Variants in DCC observed in about 807,000 individuals in gnomAD.
DCC encodes the protein netrin receptor DCC.
In DCC, 58 loss-of-function variants were observed where a neutral mutation model predicts 172.5. The ratio of observed to expected loss-of-function variants is 0.34; its 90% CI spans 0.27 to 0.42. The LOEUF is 0.42. DCC is among the 10% of genes least tolerant of loss of function. The pLI is 1.00. For synonymous variants in DCC, 709 were observed against 644.5 expected, an observed-to-expected ratio of 1.10 and a Z score of -1.52; for missense variants, 1,740 against 1,791.0, an observed-to-expected ratio of 0.97 and a Z score of 0.51.
At chr18:53,042,360 T>C (rs2042180277) in intron 5 of DCC, among the ~76,000 whole-genome samples, 1 of 152,060 alleles carries the variant, frequency 6.6e-6, no homozygotes, top group Non-Finnish European at 1.5e-5. Flanking sequence ...GAATTCAACT[T>C]GATCATGGTG....
At chr18:52,649,963 T>C (rs893995540) in intron 1 of DCC, among the ~76,000 whole-genome samples, 4 of 146,404 alleles carry the variant, frequency 2.7e-5, no homozygotes, top group Admixed American at 7.2e-5. Context: ...CTGAATCAGA[T>C]GATAGTTCTA....
At chr18:52,699,072 TG>T (rs958369678) in intron 1 of DCC, among the ~76,000 whole-genome samples, 3 of 152,196 alleles carry the variant, frequency 2.0e-5, no homozygotes, top group African/African-American at 7.2e-5. Context: ...TGAACATGTG[TG>T]CTCTTTCCCA....
intron 12 of DCC, among the ~76,000 whole-genome samples, chr18:53,267,407 G>A (rs984690119): frequency 2.0e-5 from 3 of 151,906 alleles, no homozygotes; most frequent in Admixed American, 6.6e-5. Flanking sequence ...GCCTGGTCTC[G>A]AACTCCTGAC....
At chr18:53,179,998 C>T (rs917235928) in intron 9 of DCC, among the ~76,000 whole-genome samples, 1 of 152,060 alleles carries the variant, frequency 6.6e-6, no homozygotes, top group East Asian at 1.9e-4. Context: ...ATTTTGATTT[C>T]CTGTTCATTT....
At chr18:52,868,053 A>ATATGTGTGTGTG (rs61579666) in intron 2 of DCC, among the ~76,000 whole-genome samples, 3 of 144,356 alleles carry the variant, frequency 2.1e-5, no homozygotes, top group African/African-American at 7.8e-5. Flanking sequence ...ATATATATAT[A>ATATGTGTGTGTG]TGTGTGTGTG....
rs555801718 is a variant in DCC, at chr18:53,046,520, A to G, written c.986-16785A>G. 5.3e-5 allele frequency among the ~76,000 whole-genome samples: 8 copies of G among 151,816 alleles called. No homozygotes were observed. The East Asian group carries it at 9.7e-4, about 18-fold the overall frequency. On this transcript the variant is annotated intron_variant, in intron 5 of 28. Coordinates refer to ENST00000442544, the MANE Select transcript of DCC (RefSeq NM_005215.4). ...CAGATAATTTACTTTTTTTAGCAGC[A>G]GAAAATGTTCTGATAGAACTTTATA...
At chr18:52,932,509 A>C (rs9967572) in intron 5 of DCC, among the ~76,000 whole-genome samples, 59,683 of 152,000 alleles carry the variant, frequency 0.39, 12,332 homozygotes, top group Non-Finnish European at 0.47. Context: ...TTTACTGAGG[A>C]TGGTCTCTTC....
At chr18:52,585,385 C>G (rs960780305) in intron 1 of DCC, among the ~76,000 whole-genome samples, 2 of 152,150 alleles carry the variant, frequency 1.3e-5, no homozygotes, top group African/African-American at 4.8e-5. Flanking sequence ...AAAGAGAACT[C>G]ACATACATAA....
intron 12 of DCC, among the ~76,000 whole-genome samples, chr18:53,226,218 A>G (rs758788737): frequency 6.6e-6 from 1 of 152,178 alleles, no homozygotes; most frequent in Non-Finnish European, 1.5e-5. Flanking sequence ...TACAAAAATA[A>G]GCCTTGCATT....
At chr18:53,355,910 T>C (rs1418056283) in intron 15 of DCC, among the ~76,000 whole-genome samples, 2 of 152,200 alleles carry the variant, frequency 1.3e-5, no homozygotes, top group Non-Finnish European at 2.9e-5. Context: ...GTTTTCATTA[T>C]GCTTCTTCTG....
intron 1 of DCC, among the ~76,000 whole-genome samples, chr18:52,550,219 T>C (rs1568224742): frequency 6.6e-6 from 1 of 151,882 alleles, no homozygotes; most frequent in East Asian, 1.9e-4. Context: ...ACAAAACACC[T>C]GACCAGTCCT....
intron 5 of DCC, among the ~76,000 whole-genome samples, chr18:53,007,454 A>G (rs2041663153): frequency 6.6e-6 from 1 of 152,126 alleles, no homozygotes; most frequent in African/African-American, 2.4e-5. Flanking sequence ...ATTGTCTGGA[A>G]CTAAATAAGA....
rs199927780 is a variant in DCC, at chr18:52,963,828, GT to G, written c.985+38472del. ...TGAAAGCTATTTCTGATTATCTCTA[GT>G]TTTTTTTTTTTTTATCCAAACTCTC... On this transcript the variant is annotated intron_variant, in intron 5 of 28. Coordinates refer to ENST00000442544, the MANE Select transcript of DCC (RefSeq NM_005215.4). Among the ~76,000 whole-genome samples, 582 of 145,644 alleles carry G rather than the reference GT, an allele frequency of 4.0e-3. 2 individuals carry two copies. The highest frequency in any genetic ancestry group is 7.1e-3 in the Middle Eastern group (2 of 282).
At chr18:53,165,382 A>G (rs2054901970) in intron 8 of DCC, among the ~76,000 whole-genome samples, 5 of 152,166 alleles carry the variant, frequency 3.3e-5, no homozygotes, top group Admixed American at 3.3e-4. Flanking sequence ...GGTATATTAC[A>G]TTTTTGATGT....
At chr18:52,767,491 T>C (rs1357829966) in intron 2 of DCC, among the ~76,000 whole-genome samples, 1 of 152,226 alleles carries the variant, frequency 6.6e-6, no homozygotes, top group Non-Finnish European at 1.5e-5. Context: ...AAGAGACTCA[T>C]GCTTATTATG....
At chr18:53,296,600 C>T (rs2057071042) in intron 12 of DCC, among the ~76,000 whole-genome samples, 1 of 151,994 alleles carries the variant, frequency 6.6e-6, no homozygotes, top group Non-Finnish European at 1.5e-5. Flanking sequence ...ATATTCTGGG[C>T]AATAGACAAA....
chr18:52,923,125 G>T (rs1368106581), intron 3 of DCC, among the ~76,000 whole-genome samples: 1 of 152,014 alleles, frequency 6.6e-6, no homozygotes, highest in Admixed American at 6.6e-5. Flanking sequence ...AAAATAAAAA[G>T]CCAGACACAG....
intron 12 of DCC, among the ~76,000 whole-genome samples, chr18:53,229,454 G>A (rs1026842242): frequency 3.3e-5 from 5 of 152,118 alleles, no homozygotes; most frequent in African/African-American, 1.2e-4. Context: ...ACATGTAACA[G>A]TTCCTCATTC....
intron 17 of DCC, among the ~76,000 whole-genome samples, chr18:53,395,198 T>C (rs1908849066): frequency 6.6e-6 from 1 of 151,908 alleles, no homozygotes; most frequent in Non-Finnish European, 1.5e-5. Flanking sequence ...ATCTGGTTAT[T>C]CTGTGCTCAC....
Sources: allele counts gnomAD v4.1 joint callset (sites outside exome capture counted in the v4.1 genomes callset), GRCh38; gene constraint gnomAD v4.1.1; transcripts MANE v1.5; gene names NCBI Gene and HGNC (gene_info 2026-07-23, HGNC 2026-07-21).